Variants in MYO1H observed in about 807,000 individuals in gnomAD.
The protein encoded by MYO1H is myosin IH.
MYO1H carries 118 observed loss-of-function variants against 149.3 expected under a neutral mutation model. The ratio of observed to expected loss-of-function variants is 0.79; its 90% confidence interval spans 0.68 to 0.92. MYO1H has a LOEUF of 0.92. Ranked by LOEUF, MYO1H falls within the 40% of genes least tolerant of loss-of-function variation. The probability of loss-of-function intolerance (pLI) is 0.00; values close to 1 mark genes in which losing one functional copy is unlikely to be tolerated. For synonymous variants in MYO1H, 447 were observed against 465.2 expected (o/e 0.96, Z 0.50); for missense variants, 1,212 against 1,280.7 (o/e 0.95, Z 0.82).
the MYO1H span, among the ~76,000 whole-genome samples, chr12:109,335,204 A>G: frequency 6.6e-6 from 1 of 152,152 alleles, no homozygotes; most frequent in Non-Finnish European, 1.5e-5. Flanking sequence ...GGCTATTATG[A>G]ATAATGCTGC....
intron 27 of MYO1H, among the ~76,000 whole-genome samples, chr12:109,442,666 ATCT>A (rs900379197): frequency 2.0e-5 from 3 of 152,016 alleles, no homozygotes; most frequent in Non-Finnish European, 2.9e-5. Flanking sequence ...GGTGCCTCTG[ATCT>A]TCTGTGAATG....
At chr12:109,325,417 A>T in the MYO1H span, among the ~76,000 whole-genome samples, 2 of 152,192 alleles carry the variant, frequency 1.3e-5, no homozygotes, top group Non-Finnish European at 2.9e-5. Context: ...CCTTCCTAAA[A>T]ATATCTTATA....
chr12:109,377,608 A>G (rs1768212327), intron 1 of MYO1H, among the ~76,000 whole-genome samples: 1 of 152,162 alleles, frequency 6.6e-6, no homozygotes, highest in Non-Finnish European at 1.5e-5. Context: ...GCATTTGGCA[A>G]CCACCAATCT....
intron 1 of MYO1H, among the ~76,000 whole-genome samples, chr12:109,353,434 C>G (rs1239216224): frequency 7.3e-6 from 1 of 137,260 alleles, no homozygotes; most frequent in African/African-American, 2.7e-5. Flanking sequence ...GGTTATAGAA[C>G]TTACCGGGAA....
At chr12:109,399,361 G>A (rs1044645103) in intron 5 of MYO1H, among the ~76,000 whole-genome samples, 2 of 152,008 alleles carry the variant, frequency 1.3e-5, no homozygotes, top group South Asian at 4.2e-4. Flanking sequence ...GGAGGCCGAG[G>A]TGGGCAGATC....
At chr12:109,365,796 T>C (rs1004315097) in intron 1 of MYO1H, among the ~76,000 whole-genome samples, 1 of 152,176 alleles carries the variant, frequency 6.6e-6, no homozygotes, top group African/African-American at 2.4e-5. Context: ...TGTGAGCTCC[T>C]ACCATTTAGA....
At chr12:109,414,276 G>C (rs1279994817) in intron 14 of MYO1H, among the ~76,000 whole-genome samples, 1 of 151,940 alleles carries the variant, frequency 6.6e-6, no homozygotes, top group East Asian at 1.9e-4. Context: ...AGGAGTTCAA[G>C]ACCAGCCTGG....
At position 109,424,672 on chromosome 12, in the gene MYO1H, C is replaced by T. The variant is rs188234012; in HGVS notation, c.1645-76C>T. On this transcript the variant is annotated intron_variant, in intron 16 of 31. Coordinates refer to ENST00000310903, the Ensembl canonical transcript of MYO1H. ...AGATGGCTCTGTTGCTTCATGCACA[C>T]TCTGTGAGCCGTCCTGACAGCCCTG... 133 of 1,156,130 alleles carry T rather than the reference C, an allele frequency of 1.2e-4. No individual in the cohort carries two copies. The African/African-American group carries it at 1.7e-3, about 15-fold the overall frequency. 71.6% of individuals were successfully genotyped at this position (1,156,130 alleles called of 1,614,324 possible).
chr12:109,314,538 G>A, the MYO1H span, among the ~76,000 whole-genome samples: 4 of 152,148 alleles, frequency 2.6e-5, no homozygotes, highest in African/African-American at 9.7e-5. Context: ...AGGGCTTCAT[G>A]ATGGCTCCGC....
the MYO1H span, among the ~76,000 whole-genome samples, chr12:109,322,281 C>T: frequency 1.3e-5 from 2 of 152,182 alleles, no homozygotes; most frequent in African/African-American, 2.4e-5. Flanking sequence ...GAGCCTTGAA[C>T]GTCCAACACT....
chr12:109,444,373 G>A, intron 29 of MYO1H, 59 bp from the exon 30 acceptor site: 3 of 1,570,992 alleles, frequency 1.9e-6, no homozygotes, highest in Non-Finnish European at 2.6e-6. Context: ...CTCTATTGGA[G>A]TGTCTGTTTC....
At chr12:109,426,664 T>C (rs999050785) in intron 18 of MYO1H, among the ~76,000 whole-genome samples, 9 of 152,194 alleles carry the variant, frequency 5.9e-5, no homozygotes, top group Admixed American at 2.6e-4. Flanking sequence ...GTCACTCTTT[T>C]CTAGCCAAGG....
chr12:109,397,683 A>G, intron 4 of MYO1H, 49 bp from the exon 5 acceptor site: 1 of 1,464,588 alleles, frequency 6.8e-7, no homozygotes, highest in South Asian at 1.2e-5. Flanking sequence ...CAGGAATTTG[A>G]TACGCATGGT....
chr12:109,329,339 C>T, the MYO1H span, among the ~76,000 whole-genome samples: 1 of 152,248 alleles, frequency 6.6e-6, no homozygotes, highest in South Asian at 2.1e-4. Context: ...CCCTTTATGA[C>T]CTGGAAAGCC....
At chr12:109,340,596 G>C in the MYO1H span, among the ~76,000 whole-genome samples, 1 of 152,120 alleles carries the variant, frequency 6.6e-6, no homozygotes, top group African/African-American at 2.4e-5. Flanking sequence ...TTGAACTTTG[G>C]ATATATAAAA....
chr12:109,347,691 C>T (rs1257931892), upstream of MYO1H, among the ~76,000 whole-genome samples: 1 of 151,770 alleles, frequency 6.6e-6, no homozygotes, highest in Non-Finnish European at 1.5e-5. Context: ...AATCAAAGAT[C>T]AGCAGTGTCT....
Position 109,444,430 on chromosome 12 carries a change from AG to A in MYO1H, c.2899del. On this transcript the variant is annotated splice_acceptor_variant, in intron 29 of 31. Coordinates refer to ENST00000310903, the Ensembl canonical transcript of MYO1H. LOFTEE classifies it high-confidence loss of function. ...TTATGCCTTGTCTCCTCCCCACCCC[AG>A]GGGGATGCCGTTTTGCAGTGTGGAC... 6.2e-7 allele frequency: 1 copy of A among 1,612,888 alleles called. No homozygotes were observed. Among genetic ancestry groups the A allele is most frequent in the Non-Finnish European group, 8.5e-7 (1 of 1,178,980 alleles).
intron 1 of MYO1H, among the ~76,000 whole-genome samples, chr12:109,364,685 A>G (rs1413776069): frequency 6.6e-6 from 1 of 152,224 alleles, no homozygotes; most frequent in Admixed American, 6.5e-5. Flanking sequence ...ACCATTTTAG[A>G]TAACACCACA....
At chr12:109,338,412 C>T in the MYO1H span, among the ~76,000 whole-genome samples, 1 of 152,150 alleles carries the variant, frequency 6.6e-6, no homozygotes, top group Non-Finnish European at 1.5e-5. Context: ...TTCTGACCAC[C>T]CCTGTCTCTC....
Sources: allele counts gnomAD v4.1 joint callset (sites outside exome capture counted in the v4.1 genomes callset), GRCh38; gene constraint gnomAD v4.1.1; transcripts MANE v1.5; gene names NCBI Gene and HGNC (gene_info 2026-07-23, HGNC 2026-07-21).